Variants in DCAF8L2 observed in about 807,000 individuals in gnomAD.
The protein encoded by DCAF8L2 is DDB1- and CUL4-associated factor 8-like protein 2.
For missense variants in DCAF8L2, 430 were observed against 490.7 expected, an observed-to-expected ratio of 0.88 and a Z score of 1.17; for synonymous variants, 200 against 190.9, an observed-to-expected ratio of 1.05 and a Z score of -0.39.
At chrX:27,694,167 C>T (rs1262604617) in intron 3 of DCAF8L2, among the ~76,000 whole-genome samples, 1 of 110,814 alleles carries the variant, frequency 9.0e-6, no homozygotes, top group Non-Finnish European at 1.9e-5. Context: ...ACTGAGCACA[C>T]GTGGACATAA....
In DCAF8L2 at chrX:27,706,328, C is replaced by CT. The variant is rs766293901; in HGVS notation, c.-142-9751dup. Reference sequence around the variant, plus strand: ...TTCATTCCATAGGAATTTTAAAATACTTTTTTTTTCTAATTTTGTGAAGAA... The same window carrying CT: ...TTCATTCCATAGGAATTTTAAAATACTTTTTTTTTTCTAATTTTGTGAAGAA... On this transcript the variant is annotated intron_variant, in intron 3 of 4. Transcript: ENST00000451261. Among the ~76,000 whole-genome samples, 593 of 109,072 alleles carry CT rather than the reference C, an allele frequency of 5.4e-3. 5 individuals are homozygous for CT. Among genetic ancestry groups the CT allele is most frequent in the African/African-American group, 0.019 (561 of 29,994 alleles). The allele number at this position is 109,072 out of a possible 115,157, so 94.7% of individuals were successfully genotyped here.
intron 1 of DCAF8L2, among the ~76,000 whole-genome samples, chrX:27,599,193 A>G (rs1236170361): frequency 9.0e-6 from 1 of 111,278 alleles, no homozygotes; most frequent in East Asian, 2.8e-4. Flanking sequence ...TCCTTTAAAA[A>G]GAAGGAAATC....
At chrX:27,571,420 T>A in the DCAF8L2 span, among the ~76,000 whole-genome samples, 3 of 111,745 alleles carry the variant, frequency 2.7e-5, no homozygotes, top group Non-Finnish European at 5.6e-5. Context: ...CTAAGACTTT[T>A]ATAATCAGTG....
At chrX:27,704,739 T>C (rs142094720) in intron 3 of DCAF8L2, among the ~76,000 whole-genome samples, 79 of 111,861 alleles carry the variant, frequency 7.1e-4, no homozygotes, top group African/African-American at 2.4e-3. Flanking sequence ...TCATTATGTA[T>C]GTGTGTAGCA....
chrX:27,524,780 G>A, the DCAF8L2 span, among the ~76,000 whole-genome samples: 1 of 109,879 alleles, frequency 9.1e-6, no homozygotes, highest in Non-Finnish European at 1.9e-5. Flanking sequence ...CCTTCATTTC[G>A]TTATGTACCC....
chrX:27,691,508 T>C (rs1930711876), intron 3 of DCAF8L2, among the ~76,000 whole-genome samples: 1 of 111,368 alleles, frequency 9.0e-6, no homozygotes, highest in East Asian at 2.8e-4. Flanking sequence ...GTAAGAGAGG[T>C]ACCAAAAAAT....
intron 1 of DCAF8L2, among the ~76,000 whole-genome samples, chrX:27,611,154 G>A (rs1414823518): frequency 7.2e-5 from 8 of 110,924 alleles, no homozygotes; most frequent in African/African-American, 2.3e-4. Flanking sequence ...CTATCACAAC[G>A]GAGACAATAG....
chrX:27,512,831 T>C, the DCAF8L2 span, among the ~76,000 whole-genome samples: 1 of 58,614 alleles, frequency 1.7e-5, no homozygotes, highest in East Asian at 6.1e-4. Context: ...GACATCACAC[T>C]ACCTGACTTA....
At chrX:27,612,928 G>A (rs1355968435) in intron 1 of DCAF8L2, among the ~76,000 whole-genome samples, 1 of 111,757 alleles carries the variant, frequency 8.9e-6, no homozygotes, top group Non-Finnish European at 1.9e-5. Context: ...TCTTGGCAAT[G>A]TGGGCTCTTT....
chrX:27,704,165 T>TATATA (rs1204658836), intron 3 of DCAF8L2, among the ~76,000 whole-genome samples: 1 of 71,639 alleles, frequency 1.4e-5, no homozygotes, highest in African/African-American at 7.6e-5. Flanking sequence ...TATATATATA[T>TATATA]ATATATATAC....
chrX:27,585,542 C>G (rs1569152084), upstream of DCAF8L2, among the ~76,000 whole-genome samples: 1 of 112,259 alleles, frequency 8.9e-6, no homozygotes, highest in Non-Finnish European at 1.9e-5. Context: ...CCTCACAAGT[C>G]AAAATCACAA....
chrX:27,661,635 G>T (rs1032196843), intron 2 of DCAF8L2, among the ~76,000 whole-genome samples: 1 of 111,801 alleles, frequency 8.9e-6, no homozygotes, highest in Non-Finnish European at 1.9e-5. Flanking sequence ...GAATTAAAAA[G>T]AATATTTAGA....
chrX:27,479,386 G>A, the DCAF8L2 span, among the ~76,000 whole-genome samples: 1 of 111,007 alleles, frequency 9.0e-6, no homozygotes, highest in Non-Finnish European at 1.9e-5. Flanking sequence ...AGCTGCACCC[G>A]GATTCCTGAT....
chrX:27,563,283 G>A, the DCAF8L2 span, among the ~76,000 whole-genome samples: 506 of 110,941 alleles, frequency 4.6e-3, 3 homozygotes, highest in Non-Finnish European at 7.6e-3. Context: ...TTGCCTGCTG[G>A]TTTTTATTGT....
chrX:27,629,662 A>T (rs889527413), intron 1 of DCAF8L2, among the ~76,000 whole-genome samples: 3 of 111,242 alleles, frequency 2.7e-5, no homozygotes, highest in Non-Finnish European at 5.7e-5. Context: ...ATTCTGTTCC[A>T]TTGGTCTGTA....
the DCAF8L2 span, among the ~76,000 whole-genome samples, chrX:27,572,789 C>T: frequency 9.0e-6 from 1 of 111,300 alleles, no homozygotes; most frequent in Admixed American, 9.6e-5. Context: ...TGGTAGTAAC[C>T]CTTCTCTTCT....
the DCAF8L2 span, among the ~76,000 whole-genome samples, chrX:27,496,748 C>A: frequency 1.0e-3 from 117 of 111,973 alleles, no homozygotes; most frequent in Non-Finnish European, 1.9e-3. Context: ...CTGTAGAAAT[C>A]TAGTTTTGTA....
intron 4 of DCAF8L2, among the ~76,000 whole-genome samples, chrX:27,734,777 G>A (rs1276892602): frequency 3.6e-5 from 4 of 111,506 alleles, no homozygotes; most frequent in Non-Finnish European, 3.8e-5. Flanking sequence ...ATAATGTCCT[G>A]TATTCCATTT....
At chrX:27,663,778 A>G (rs6653775) in intron 2 of DCAF8L2, among the ~76,000 whole-genome samples, 13,967 of 108,102 alleles carry the variant, frequency 0.13, 760 homozygotes, top group African/African-American at 0.18. Flanking sequence ...GCTCACTGCA[A>G]TCTCCACCTC....
Sources: allele counts gnomAD v4.1 joint callset (sites outside exome capture counted in the v4.1 genomes callset), GRCh38; gene constraint gnomAD v4.1.1; transcripts MANE v1.5; gene names NCBI Gene and HGNC (gene_info 2026-07-23, HGNC 2026-07-21).